Variants in PDE10A observed in about 807,000 individuals in gnomAD.
The protein encoded by PDE10A is phosphodiesterase 10A, also known as cAMP and cAMP-inhibited cGMP 3',5'-cyclic phosphodiesterase 10A.
In PDE10A, 39 loss-of-function variants were observed where a neutral mutation model predicts 97.7. That is an observed-to-expected ratio of 0.40 (90% CI 0.31 to 0.52). The LOEUF (loss-of-function observed/expected upper bound fraction) is 0.52, where lower values mean the gene tolerates loss of function less well. PDE10A is among the 20% of genes least tolerant of loss of function. The probability of loss-of-function intolerance (pLI) is 0.56; values close to 1 mark genes in which losing one functional copy is unlikely to be tolerated. For synonymous variants in PDE10A, 371 were observed against 376.8 expected (o/e 0.98, Z 0.18); for missense variants, 731 against 1,047.8 (o/e 0.70, Z 4.17).
At chr6:165,586,198 T>A (rs1437972715) in intron 1 of PDE10A, among the ~76,000 whole-genome samples, 1 of 152,226 alleles carries the variant, frequency 6.6e-6, no homozygotes. Flanking sequence ...GTCTTCCAGA[T>A]GGCTGTCCTC....
At chr6:165,463,680 C>CT (rs1778460599) in intron 3 of PDE10A, among the ~76,000 whole-genome samples, 1 of 152,170 alleles carries the variant, frequency 6.6e-6, no homozygotes, top group African/African-American at 2.4e-5. Flanking sequence ...AATAAGCCCC[C>CT]CCCAAAAATC....
intron 1 of PDE10A, among the ~76,000 whole-genome samples, chr6:165,913,668 T>C (rs976744084): frequency 2.6e-5 from 4 of 152,092 alleles, no homozygotes; most frequent in Non-Finnish European, 5.9e-5. Context: ...GAAACACACA[T>C]GGGGGGACAT....
intron 1 of PDE10A, among the ~76,000 whole-genome samples, chr6:165,611,914 C>T (rs1196721573): frequency 6.6e-6 from 1 of 152,206 alleles, no homozygotes; most frequent in East Asian, 1.9e-4. Context: ...TAACCTCAAA[C>T]AACTTCACTG....
At chr6:165,889,924 CA>C (rs1781736853) in intron 1 of PDE10A, among the ~76,000 whole-genome samples, 1 of 71,544 alleles carries the variant, frequency 1.4e-5, no homozygotes, top group African/African-American at 4.4e-5. Context: ...CCTCACTCCT[CA>C]CTCCTCCCTC....
At chr6:165,924,028 A>T (rs1782842576) in intron 1 of PDE10A, among the ~76,000 whole-genome samples, 1 of 152,176 alleles carries the variant, frequency 6.6e-6, no homozygotes, top group Non-Finnish European at 1.5e-5. Context: ...AACAACAATA[A>T]CAATAATGAC....
At chr6:165,792,224 C>G (rs1401395586) in intron 1 of PDE10A, among the ~76,000 whole-genome samples, 1 of 152,210 alleles carries the variant, frequency 6.6e-6, no homozygotes, top group Non-Finnish European at 1.5e-5. Context: ...AAACAACTAC[C>G]AACCAGGCCG....
chr6:165,679,963 A>G (rs764788109), intron 1 of PDE10A, among the ~76,000 whole-genome samples: 7 of 151,914 alleles, frequency 4.6e-5, no homozygotes, highest in African/African-American at 1.2e-4. Flanking sequence ...TGGGGTACCT[A>G]TGGTGGGTGC....
intron 2 of PDE10A, among the ~76,000 whole-genome samples, chr6:165,526,209 G>A (rs1782436434): frequency 6.6e-6 from 1 of 152,210 alleles, no homozygotes; most frequent in African/African-American, 2.4e-5. Context: ...CTGAGCTGAT[G>A]TTGATTCCAG....
At chr6:165,605,367 G>A (rs934984676) in intron 1 of PDE10A, among the ~76,000 whole-genome samples, 23 of 152,308 alleles carry the variant, frequency 1.5e-4, no homozygotes, top group East Asian at 3.9e-4. Flanking sequence ...GGGACTGCCC[G>A]TGGCACCTGC....
intron 2 of PDE10A, among the ~76,000 whole-genome samples, chr6:165,500,709 G>A (rs1583415835): frequency 6.6e-6 from 1 of 151,848 alleles, no homozygotes; most frequent in South Asian, 2.1e-4. Flanking sequence ...AAAGAGGAAG[G>A]CCTCTTTGCA....
intron 1 of PDE10A, among the ~76,000 whole-genome samples, chr6:165,610,963 A>AC (rs1273541410): frequency 2.8e-4 from 42 of 152,150 alleles, no homozygotes; most frequent in Non-Finnish European, 7.4e-5. Context: ...GTCTACCTTA[A>AC]AAGCCTTCCA....
chr6:165,943,211 GAA>G (rs1249429610), intron 1 of PDE10A, among the ~76,000 whole-genome samples: 7 of 75,272 alleles, frequency 9.3e-5, no homozygotes, highest in African/African-American at 4.6e-4. Flanking sequence ...AAGAAAGAAA[GAA>G]AGAAAGAAAG....
At chr6:165,569,548 A>C (rs1358446829) in intron 1 of PDE10A, among the ~76,000 whole-genome samples, 2 of 152,226 alleles carry the variant, frequency 1.3e-5, no homozygotes, top group Non-Finnish European at 2.9e-5. Flanking sequence ...AATTTGTAGT[A>C]TAATATAACT....
intron 3 of PDE10A, among the ~76,000 whole-genome samples, chr6:165,465,496 G>C (rs1042724244): frequency 1.3e-5 from 2 of 152,150 alleles, no homozygotes; most frequent in Admixed American, 1.3e-4. Flanking sequence ...GATTACAAGA[G>C]AGTAAACAAG....
intron 1 of PDE10A, among the ~76,000 whole-genome samples, chr6:165,978,543 A>G (rs1784915114): frequency 6.6e-6 from 1 of 152,232 alleles, no homozygotes; most frequent in African/African-American, 2.4e-5. Context: ...TCTTTGTCCA[A>G]AATATTTAAC....
intron 1 of PDE10A, among the ~76,000 whole-genome samples, chr6:165,561,875 G>C (rs1249897087): frequency 6.6e-6 from 1 of 152,118 alleles, no homozygotes; most frequent in African/African-American, 2.4e-5. Context: ...TCAAATTTTA[G>C]CATTATTATT....
chr6:165,976,506 G>A (rs705806), intron 1 of PDE10A, among the ~76,000 whole-genome samples: 79,724 of 151,922 alleles, frequency 0.52, 22,277 homozygotes, highest in East Asian at 0.83. Flanking sequence ...GCCTTGAATC[G>A]CAACATATTC....
At chr6:165,344,531 C>T (rs1782183701) in intron 18 of PDE10A, among the ~76,000 whole-genome samples, 2 of 152,168 alleles carry the variant, frequency 1.3e-5, no homozygotes, top group Admixed American at 6.5e-5. Flanking sequence ...TCTCCAACTG[C>T]GGGCACAGTC....
chr6:165,554,608 C>A (rs908316255), intron 1 of PDE10A, among the ~76,000 whole-genome samples: 1 of 152,036 alleles, frequency 6.6e-6, no homozygotes, highest in Non-Finnish European at 1.5e-5. Flanking sequence ...GTTTGGAGGT[C>A]CCTCAAAAAA....
Sources: allele counts gnomAD v4.1 joint callset (sites outside exome capture counted in the v4.1 genomes callset), GRCh38; gene constraint gnomAD v4.1.1; transcripts MANE v1.5; gene names NCBI Gene and HGNC (gene_info 2026-07-23, HGNC 2026-07-21).